The following OCA2 variants were observed in gnomAD, a reference collection of about 807,000 sequenced individuals.
OCA2 encodes the protein P protein.
OCA2 carries 77 observed loss-of-function variants against 100.2 expected under a neutral mutation model. The observed-to-expected ratio is 0.77, with a 90% CI of 0.64 to 0.93. OCA2 has a LOEUF of 0.93. Among genes scored for constraint, OCA2 ranks in the 40% least tolerant of loss-of-function variants. The probability of loss-of-function intolerance (pLI) is 0.00; values close to 1 mark genes in which losing one functional copy is unlikely to be tolerated. For synonymous variants in OCA2, 432 were observed against 439.2 expected, an observed-to-expected ratio of 0.98 and a Z score of 0.21; for missense variants, 1,062 against 1,089.1, an observed-to-expected ratio of 0.98 and a Z score of 0.35.
chr15:27,812,592 T>C (rs2034122929), intron 23 of OCA2, among the ~76,000 whole-genome samples: 1 of 152,260 alleles, frequency 6.6e-6, no homozygotes, highest in South Asian at 2.1e-4. Context: ...AAATTCCACC[T>C]TGTCCCATGG....
At chr15:27,812,061 G>C (rs188500243) in intron 23 of OCA2, among the ~76,000 whole-genome samples, 31 of 152,176 alleles carry the variant, frequency 2.0e-4, no homozygotes, top group Admixed American at 2.0e-3. Context: ...CATAAATAAC[G>C]TCCACAAAAA....
intron 8 of OCA2, 53 bp from the exon 9 acceptor site, chr15:28,014,982 C>T: frequency 6.3e-7 from 1 of 1,585,086 alleles, no homozygotes; most frequent in African/African-American, 1.3e-5. Flanking sequence ...GTTAGGGGAC[C>T]TCCCTCTGTA....
chr15:27,780,922 A>T (rs2032507153), intron 23 of OCA2, among the ~76,000 whole-genome samples: 1 of 152,266 alleles, frequency 6.6e-6, no homozygotes, highest in Non-Finnish European at 1.5e-5. Flanking sequence ...TTATGAGGAA[A>T]AAAAAGCTCT....
At chr15:27,885,743 A>ACTC in intron 19 of OCA2, among the ~76,000 whole-genome samples, 1 of 130,256 alleles carries the variant, frequency 7.7e-6, no homozygotes, top group East Asian at 2.5e-4. Context: ...GTCTCCATTC[A>ACTC]CTCCTTTATT....
intron 1 of OCA2, among the ~76,000 whole-genome samples, chr15:28,097,521 C>T (rs530646392): frequency 6.6e-6 from 1 of 152,284 alleles, no homozygotes; most frequent in Non-Finnish European, 1.5e-5. Flanking sequence ...TCTGTGGTAG[C>T]CTTTATCTCC....
intron 21 of OCA2, among the ~76,000 whole-genome samples, chr15:27,870,648 T>G (rs1428093922): frequency 1.5e-5 from 2 of 135,158 alleles, no homozygotes; most frequent in Non-Finnish European, 3.0e-5. Context: ...TATCTTTTGA[T>G]GTCTCACAAT....
intron 23 of OCA2, among the ~76,000 whole-genome samples, chr15:27,768,378 C>A (rs2031445785): frequency 6.6e-6 from 1 of 152,216 alleles, no homozygotes; most frequent in South Asian, 2.1e-4. Flanking sequence ...GTCACTCCTC[C>A]TCTCCTGCCC....
intron 18 of OCA2, among the ~76,000 whole-genome samples, chr15:27,951,121 G>A (rs909862836): frequency 2.0e-5 from 3 of 152,308 alleles, no homozygotes; most frequent in Middle Eastern, 3.4e-3. Flanking sequence ...TTTATGGAGG[G>A]TGGAGGAGGC....
At chr15:27,806,603 C>T (rs572902978) in intron 23 of OCA2, among the ~76,000 whole-genome samples, 1 of 152,370 alleles carries the variant, frequency 6.6e-6, no homozygotes, top group South Asian at 2.1e-4. Context: ...GGCTTCCCGC[C>T]GTCCGCTGTG....
At chr15:27,925,176 AAC>A (rs1236157234) in intron 19 of OCA2, among the ~76,000 whole-genome samples, 1 of 152,224 alleles carries the variant, frequency 6.6e-6, no homozygotes, top group Non-Finnish European at 1.5e-5. Context: ...TAACTGATAG[AAC>A]AGTTTCACAG....
In OCA2 at chr15:27,977,935, C is replaced by G. The variant is rs191255358; in HGVS notation, c.1503+5410G>C. On this transcript the variant is annotated intron_variant, in intron 14 of 23. Coordinates refer to ENST00000354638, the MANE Select transcript of OCA2 (RefSeq NM_000275.3). ...ACTGGATCTTGAACTTTCTAGCCTC[C>G]CGACTGTGAGGAATAAATTGCTGTT... 1.2e-3 allele frequency among the ~76,000 whole-genome samples: 190 copies of G among 152,314 alleles called. 1 individual carries two copies. Among genetic ancestry groups the G allele is most frequent in the African/African-American group, 4.2e-3 (174 of 41,568 alleles).
intron 21 of OCA2, among the ~76,000 whole-genome samples, chr15:27,857,322 C>T (rs1025406047): frequency 2.6e-5 from 4 of 152,178 alleles, no homozygotes; most frequent in Admixed American, 6.5e-5. Context: ...GAAGATACGA[C>T]GTTTGAAATT....
intron 18 of OCA2, among the ~76,000 whole-genome samples, chr15:27,942,042 C>T (rs2140503294): frequency 6.6e-6 from 1 of 152,142 alleles, no homozygotes; most frequent in East Asian, 1.9e-4. Context: ...AATCAGAACG[C>T]TCATGCATTA....
At chr15:28,086,110 T>TACACACTCCTCCCC (rs2044771984) in intron 1 of OCA2, among the ~76,000 whole-genome samples, 1 of 152,140 alleles carries the variant, frequency 6.6e-6, no homozygotes, top group Non-Finnish European at 1.5e-5. Context: ...ACCTCCTCCC[T>TACACACTCCTCCCC]ACACACTCCT....
chr15:28,070,730 G>A (rs1462457718), intron 2 of OCA2, among the ~76,000 whole-genome samples: 2 of 150,058 alleles, frequency 1.3e-5, no homozygotes, highest in African/African-American at 5.0e-5. Context: ...AGGCGGGAAA[G>A]GTGGGGAAGA....
chr15:27,995,993 A>T (rs1161857993), intron 9 of OCA2, among the ~76,000 whole-genome samples: 2 of 151,964 alleles, frequency 1.3e-5, no homozygotes, highest in East Asian at 3.9e-4. Flanking sequence ...TTGTATTTTC[A>T]GTAGAGACGG....
At chr15:27,880,054 T>G (rs908640997) in intron 19 of OCA2, among the ~76,000 whole-genome samples, 6 of 152,240 alleles carry the variant, frequency 3.9e-5, no homozygotes, top group Non-Finnish European at 8.8e-5. Context: ...GGGTTCAGTT[T>G]CAATTTTCTG....
At chr15:27,984,686 C>T (rs1595763586) in intron 13 of OCA2, among the ~76,000 whole-genome samples, 1 of 152,102 alleles carries the variant, frequency 6.6e-6, no homozygotes, top group Non-Finnish European at 1.5e-5. Context: ...TCAGCCTCCC[C>T]AGTAGCTGGG....
At chr15:28,037,411 A>G (rs2043077275) in intron 2 of OCA2, among the ~76,000 whole-genome samples, 1 of 152,128 alleles carries the variant, frequency 6.6e-6, no homozygotes, top group South Asian at 2.1e-4. Context: ...CCTATGCAGC[A>G]GTGACCAGGA....
Sources: gnomAD v4.1 joint callset for allele counts (sites outside exome capture counted in the v4.1 genomes callset) on GRCh38, gnomAD v4.1.1 for gene constraint, MANE v1.5 for transcripts, NCBI Gene and HGNC (gene_info 2026-07-23, HGNC 2026-07-21) for gene names.